The following ZNF385D variants were observed in gnomAD, a reference collection of about 807,000 sequenced individuals.
The protein encoded by ZNF385D is zinc finger protein 385D, also known as zinc finger protein 659.
Under a neutral mutation model 35.8 loss-of-function variants are expected in ZNF385D, and 15 were observed. The observed-to-expected ratio is 0.42, with a 90% CI of 0.28 to 0.64. ZNF385D has a LOEUF of 0.64. Among genes scored for constraint, ZNF385D ranks in the 30% least tolerant of loss-of-function variants. ZNF385D has a pLI of 0.23. For synonymous variants in ZNF385D, 212 were observed against 186.8 expected (o/e 1.13, Z -1.10); for missense variants, 474 against 494.6 (o/e 0.96, Z 0.39).
intron 2 of ZNF385D, among the ~76,000 whole-genome samples, chr3:22,333,452 G>C (rs901547070): frequency 6.6e-6 from 1 of 150,884 alleles, no homozygotes; most frequent in Non-Finnish European, 1.5e-5. Context: ...GTAATGCTTT[G>C]TTCATTTTTT....
Position 22,181,797 on chromosome 3 carries a change from C to T in ZNF385D, c.107-12762G>A, listed in dbSNP as rs921734325. ...ATAGTAATGCCCATAGACTCTCCTT[C>T]ACTAGCTTTAAAGAAGCAAGCTGCC... On this transcript the variant is annotated intron_variant, in intron 2 of 5. Transcript: ENST00000494108. Among the ~76,000 whole-genome samples, 7 of 152,026 alleles carry T rather than the reference C, an allele frequency of 4.6e-5. No individual in the cohort carries two copies. In the East Asian group the frequency reaches 1.2e-3, roughly 25 times the overall value.
chr3:22,030,255 TCATATATATATA>T (rs1401807373), intron 3 of ZNF385D, among the ~76,000 whole-genome samples: 10 of 27,916 alleles, frequency 3.6e-4, no homozygotes, highest in African/African-American at 1.6e-3. Flanking sequence ...ATAAACTCAT[TCATATATATATA>T]TATATATATA....
chr3:21,698,703 A>G (rs2067560139), intron 1 of ZNF385D, among the ~76,000 whole-genome samples: 1 of 151,522 alleles, frequency 6.6e-6, no homozygotes, highest in Non-Finnish European at 1.5e-5. Flanking sequence ...ACTTCTCAAA[A>G]GAAGACATTT....
At chr3:22,144,062 G>A (rs1704691229) in intron 3 of ZNF385D, among the ~76,000 whole-genome samples, 1 of 152,014 alleles carries the variant, frequency 6.6e-6, no homozygotes, top group Non-Finnish European at 1.5e-5. Flanking sequence ...TGTTGCTGGG[G>A]ATATTTGTAT....
At chr3:21,925,480 C>T (rs1700679991) in intron 3 of ZNF385D, among the ~76,000 whole-genome samples, 1 of 152,054 alleles carries the variant, frequency 6.6e-6, no homozygotes, top group South Asian at 2.1e-4. Context: ...CAAAATGAAA[C>T]ATGGATTTAA....
At chr3:22,085,841 A>G (rs1412542720) in intron 3 of ZNF385D, among the ~76,000 whole-genome samples, 1 of 152,232 alleles carries the variant, frequency 6.6e-6, no homozygotes, top group Non-Finnish European at 1.5e-5. Context: ...TAGCACATCA[A>G]AAAGATTATC....
intron 1 of ZNF385D, among the ~76,000 whole-genome samples, chr3:21,687,994 A>G (rs1477044172): frequency 2.6e-5 from 4 of 152,122 alleles, no homozygotes; most frequent in African/African-American, 4.8e-5. Flanking sequence ...TCCTAAGCTC[A>G]AGGGATCCTG....
intron 3 of ZNF385D, among the ~76,000 whole-genome samples, chr3:21,784,317 C>T (rs1370056012): frequency 6.6e-6 from 1 of 152,160 alleles, no homozygotes; most frequent in Non-Finnish European, 1.5e-5. Flanking sequence ...ATTTACTTAC[C>T]TTTTGGTGTT....
chr3:22,183,400 G>C (rs1695414187), intron 2 of ZNF385D, among the ~76,000 whole-genome samples: 1 of 151,830 alleles, frequency 6.6e-6, no homozygotes, highest in Non-Finnish European at 1.5e-5. Flanking sequence ...GCCCAGGCTG[G>C]AGTGCAGTGT....
At chr3:21,947,050 G>C (rs1226679085) in intron 3 of ZNF385D, among the ~76,000 whole-genome samples, 2 of 151,996 alleles carry the variant, frequency 1.3e-5, no homozygotes, top group Non-Finnish European at 2.9e-5. Context: ...GTGAATCTAT[G>C]ATTTCTTTCT....
chr3:22,046,090 C>CT (rs11421787), intron 3 of ZNF385D, among the ~76,000 whole-genome samples: 32,143 of 151,976 alleles, frequency 0.21, 3,591 homozygotes, highest in South Asian at 0.36. Context: ...ATGATAGTGG[C>CT]TTAGCACAAC....
At chr3:22,157,789 C>A (rs55844797) in intron 3 of ZNF385D, among the ~76,000 whole-genome samples, 24,402 of 151,928 alleles carry the variant, frequency 0.16, 2,533 homozygotes, top group Middle Eastern at 0.25. Flanking sequence ...AAATTGGAAA[C>A]GAGTAGAAAA....
intron 3 of ZNF385D, among the ~76,000 whole-genome samples, chr3:22,030,287 A>ATATGTATATATATATATGTATG (rs1697898143): frequency 5.1e-5 from 5 of 97,432 alleles, no homozygotes; most frequent in African/African-American, 2.3e-4. Flanking sequence ...ATATATATAT[A>ATATGTATATATATATATGTATG]TATATATATA....
chr3:21,582,545 C>T (rs944676926), intron 2 of ZNF385D, among the ~76,000 whole-genome samples: 24 of 152,072 alleles, frequency 1.6e-4, no homozygotes, highest in African/African-American at 5.8e-4. Flanking sequence ...TGGACTAAGT[C>T]AGAAGCTTGA....
At chr3:21,633,471 CAA>C (rs1422302383) in intron 2 of ZNF385D, among the ~76,000 whole-genome samples, 4 of 151,842 alleles carry the variant, frequency 2.6e-5, no homozygotes, top group African/African-American at 7.3e-5. Context: ...AGAAGTAGGA[CAA>C]GAGAAAAAAA....
At chr3:22,259,338 A>T (rs931619230) in intron 2 of ZNF385D, among the ~76,000 whole-genome samples, 1 of 151,968 alleles carries the variant, frequency 6.6e-6, no homozygotes. Flanking sequence ...GCATGAAAAC[A>T]TGAATTTTAT....
At chr3:21,574,161 A>G (rs952468990) in intron 2 of ZNF385D, among the ~76,000 whole-genome samples, 2 of 152,088 alleles carry the variant, frequency 1.3e-5, no homozygotes, top group African/African-American at 4.8e-5. Flanking sequence ...ACAACTAGGC[A>G]TCAAGTATCT....
chr3:22,147,827 T>A (rs1409893179), intron 3 of ZNF385D, among the ~76,000 whole-genome samples: 5 of 152,062 alleles, frequency 3.3e-5, no homozygotes, highest in Non-Finnish European at 5.9e-5. Context: ...AGTGATAAAG[T>A]TTTTGCTGCA....
intron 3 of ZNF385D, among the ~76,000 whole-genome samples, chr3:21,870,460 C>T (rs991475741): frequency 6.6e-6 from 1 of 152,162 alleles, no homozygotes; most frequent in Admixed American, 6.5e-5. Flanking sequence ...CAAATCAATC[C>T]TTGCGGCTAC....
Sources: gnomAD v4.1 joint callset for allele counts (sites outside exome capture counted in the v4.1 genomes callset) on GRCh38, gnomAD v4.1.1 for gene constraint, MANE v1.5 for transcripts, NCBI Gene and HGNC (gene_info 2026-07-23, HGNC 2026-07-21) for gene names.